Variants in EPHA10 observed in about 807,000 individuals in gnomAD.
The protein encoded by EPHA10 is EPH receptor A10, also known as ephrin type-A receptor 10.
EPHA10 carries 120 observed loss-of-function variants against 109.7 expected under a neutral mutation model. The ratio of observed to expected loss-of-function variants is 1.09; its 90% CI spans 0.94 to 1.27. EPHA10 has a LOEUF of 1.27. EPHA10 is among the 50% of genes most tolerant of loss of function. EPHA10 has a pLI of 0.00. For missense variants in EPHA10, 1,396 were observed against 1,411.1 expected, an observed-to-expected ratio of 0.99 and a Z score of 0.17; for synonymous variants, 640 against 618.9, an observed-to-expected ratio of 1.03 and a Z score of -0.51.
Position 37,718,732 on chromosome 1 carries a change from CAGGT to C in EPHA10, c.2837_2840del (p.Asp946GlyfsTer22). On this transcript the variant is annotated frameshift_variant, in exon 16 of 17. Transcript: ENST00000373048. LOFTEE classifies it high-confidence loss of function. Reference sequence around the variant, plus strand: ...CCGCGAAGCTGTCCTTGTAGCGGCACAGGTCCAGGGCCTCCAGCCACGCGCCCAC... The same window carrying C: ...CCGCGAAGCTGTCCTTGTAGCGGCACCCAGGGCCTCCAGCCACGCGCCCAC... 1 of 1,613,186 alleles carries C rather than the reference CAGGT, an allele frequency of 6.2e-7. No individual in the cohort carries two copies. Among genetic ancestry groups the C allele is most frequent in the African/African-American group, 1.3e-5 (1 of 75,070 alleles).
chr1:37,746,455 A>G (rs1436372569), intron 5 of EPHA10, among the ~76,000 whole-genome samples: 1 of 152,194 alleles, frequency 6.6e-6, no homozygotes, highest in East Asian at 1.9e-4. Context: ...CCACCCTTAT[A>G]TCTCATTTAA....
chr1:37,752,883 C>A lies in EPHA10; in HGVS notation c.1350G>T (p.Gly450=). The A allele has an allele frequency of 7.7e-7, 1 of 1,296,182 alleles. No individual in the cohort carries two copies. The allele number at this position is 1,296,182 out of a possible 1,614,324, so 80.3% of individuals were successfully genotyped here. The change falls in exon 5 of 17, where the codon GGG becomes GGT. Residue 450 remains glycine, a synonymous_variant. Coordinates refer to ENST00000373048, the MANE Select transcript of EPHA10 (RefSeq NM_001099439.2). ...GGGCGCGGACGGCCTTACCCCCGGGCCCGGTGGAGACGGTGACCTGCGCGT... is the reference window on the plus strand; with the variant it reads ...GGGCGCGGACGGCCTTACCCCCGGGACCGGTGGAGACGGTGACCTGCGCGT... ...TTYAQVTVST[G]PGAPWEEDEI...
chr1:37,715,414 T>C (rs1176968621), downstream of EPHA10, among the ~76,000 whole-genome samples: 2 of 152,084 alleles, frequency 1.3e-5, no homozygotes, highest in Admixed American at 6.6e-5. Flanking sequence ...CTCCCCTTCA[T>C]CCAGGTGCCT....
At chr1:37,724,738 CA>C (rs963295536) in intron 8 of EPHA10, among the ~76,000 whole-genome samples, 1 of 152,170 alleles carries the variant, frequency 6.6e-6, no homozygotes, top group African/African-American at 2.4e-5. Flanking sequence ...GGCTGTCACA[CA>C]GGGGGAAGCG....
At chr1:37,733,589 C>G (rs895931857) in intron 6 of EPHA10, among the ~76,000 whole-genome samples, 6 of 152,148 alleles carry the variant, frequency 3.9e-5, no homozygotes, top group Non-Finnish European at 7.4e-5. Context: ...CCTTGGGGCT[C>G]TTGTCTATAC....
At position 37,718,413 on chromosome 1, in the gene EPHA10, C is replaced by T. The variant is rs1418851758; in HGVS notation, c.2986G>A (p.Ala996Thr). 2 of 1,613,060 alleles carry T rather than the reference C, an allele frequency of 1.2e-6. No individual in the cohort carries two copies. The highest frequency in any genetic ancestry group is 3.3e-5 in the Admixed American group (2 of 60,006). The change falls in exon 17 of 17, where the codon GCA (alanine) becomes ACA (threonine). Residue 996 changes from alanine (A) to threonine (T), a missense_variant. Coordinates refer to ENST00000373048, the MANE Select transcript of EPHA10 (RefSeq NM_001099439.2). ...ALLSGISALQ[A>T]RVLQLQGQGV... is the part of the protein sequence containing the mutation. The stretch of plus-strand genomic sequence containing the variant: ...TGGCCCTGCAGCTGGAGCACTCGTG[C>T]CTGCAGGGCGCTGATCCCGCTGAGG...
intron 3 of EPHA10, among the ~76,000 whole-genome samples, chr1:37,760,073 T>C (rs1646418450): frequency 2.0e-5 from 3 of 152,218 alleles, no homozygotes; most frequent in African/African-American, 4.8e-5. Flanking sequence ...GGATGGATGA[T>C]TGAACAAAGG....
chr1:37,740,933 C>T (rs552853812), intron 5 of EPHA10, among the ~76,000 whole-genome samples: 26 of 152,044 alleles, frequency 1.7e-4, no homozygotes, highest in Non-Finnish European at 3.2e-4. Context: ...GCCTGAGACA[C>T]GCCAACAATT....
At chr1:37,758,616 T>C (rs1208818870) in intron 3 of EPHA10, among the ~76,000 whole-genome samples, 1 of 152,150 alleles carries the variant, frequency 6.6e-6, no homozygotes, top group Non-Finnish European at 1.5e-5. Context: ...CTAGTTCTCC[T>C]CCATACTCTG....
At chr1:37,732,809 A>T (rs960609286) in intron 6 of EPHA10, among the ~76,000 whole-genome samples, 1 of 143,196 alleles carries the variant, frequency 7.0e-6, no homozygotes, top group Admixed American at 7.1e-5. Context: ...TCTACTCAGC[A>T]GGCTCCATGA....
Position 37,718,827 on chromosome 1 carries a change from G to A in EPHA10, c.2757-11C>T, listed in dbSNP as rs190555842. 4,763 of 1,603,102 alleles carry A rather than the reference G, an allele frequency of 3.0e-3. 231 individuals carry two copies. In the Admixed American group the frequency reaches 0.076, roughly 26 times the overall value. Reference sequence around the variant, plus strand: ...AGTGGGGTGGGAGGCCTGCGGGTCAGAGGAGCTGTGCTCAACCGACAGCTG... The same window carrying A: ...AGTGGGGTGGGAGGCCTGCGGGTCAAAGGAGCTGTGCTCAACCGACAGCTG... On this transcript the variant is annotated splice_polypyrimidine_tract_variant and intron_variant, in intron 15 of 16. Coordinates refer to ENST00000373048, the MANE Select transcript of EPHA10 (RefSeq NM_001099439.2).
Position 37,761,725 on chromosome 1 carries a change from A to C in EPHA10, c.530T>G (p.Val177Gly). The C allele has an allele frequency of 6.2e-6, 10 of 1,613,422 alleles. No individual in the cohort carries two copies. The highest frequency in any genetic ancestry group is 7.6e-6 in the Non-Finnish European group (9 of 1,179,882). ...GERKMKLNTE[V>G]REIGPLSRRG... ...CCGGCTGAGCGGTCCGATCTCGCGC[A>C]CCTCTGTGTTCAGCTTCATCTTGCG... Residue 177 changes from valine to glycine, a missense_variant, in exon 3 of 17, where the codon GTG becomes GGG. Val to Gly is a moderately radical substitution (Grantham distance 109). Coordinates refer to ENST00000373048, the MANE Select transcript of EPHA10 (RefSeq NM_001099439.2).
chr1:37,718,294 G>A lies in EPHA10; in HGVS notation c.*78C>T, dbSNP rs1032605220. On this transcript the variant is annotated 3_prime_UTR_variant, in exon 17 of 17. Coordinates refer to ENST00000373048, the MANE Select transcript of EPHA10 (RefSeq NM_001099439.2). ...GCGCTCCCTCCCACACTGCTGGAGC[G>A]CAGCTTGCCACGGTCCTTGGGCAGG... The A allele has an allele frequency of 4.0e-5, 50 of 1,261,324 alleles. No individual in the cohort carries two copies. Among genetic ancestry groups the A allele is most frequent in the Admixed American group, 6.3e-5 (3 of 47,622 alleles). The allele number at this position is 1,261,324 out of a possible 1,614,324, so 78.1% of individuals were successfully genotyped here.
intron 6 of EPHA10, among the ~76,000 whole-genome samples, chr1:37,734,988 C>A (rs1360019060): frequency 1.3e-5 from 2 of 152,074 alleles, no homozygotes; most frequent in Non-Finnish European, 2.9e-5. Flanking sequence ...CTGGACCGGG[C>A]CCCAGAGAAA....
At position 37,721,860 on chromosome 1, in the gene EPHA10, C is replaced by A; in HGVS notation, c.1961-15G>T. ...CCCAAACCGCCCTGTGGGGAAACAG[C>A]ACCTCAGATACCGCCAGAGGCCACT... On this transcript the variant is annotated splice_polypyrimidine_tract_variant and intron_variant, in intron 10 of 16. Transcript: ENST00000373048. 1 of 1,551,908 alleles carries A rather than the reference C, an allele frequency of 6.4e-7. No individual in the cohort carries two copies.
chr1:37,732,860 G>GTTT (rs1557541356), intron 6 of EPHA10, among the ~76,000 whole-genome samples: 1 of 25,790 alleles, frequency 3.9e-5, no homozygotes, highest in Non-Finnish European at 8.0e-5. Context: ...TTTTATACTT[G>GTTT]TTCTTTTTTT....
At chr1:37,760,392 C>T in intron 3 of EPHA10, 1 of 1,055,452 alleles carries the variant, frequency 9.5e-7, no homozygotes, top group Non-Finnish European at 1.1e-6. Context: ...CCTAATGCCC[C>T]CACTAGCCTG....
intron 8 of EPHA10, among the ~76,000 whole-genome samples, chr1:37,724,777 C>T (rs1471551164): frequency 6.6e-6 from 1 of 152,188 alleles, no homozygotes; most frequent in Non-Finnish European, 1.5e-5. Flanking sequence ...ACAGCCTGGG[C>T]TCGGAACCTG....
chr1:37,722,315 C>T, intron 10 of EPHA10: 1 of 246,454 alleles, frequency 4.1e-6, no homozygotes, highest in Non-Finnish European at 8.2e-6. Context: ...AAGGACAGGG[C>T]ATATGCCAGC....
Sources: allele counts gnomAD v4.1 joint callset (sites outside exome capture counted in the v4.1 genomes callset), GRCh38; gene constraint gnomAD v4.1.1; transcripts MANE v1.5; gene names NCBI Gene and HGNC (gene_info 2026-07-23, HGNC 2026-07-21).